Variants in ABCA13 observed in about 807,000 individuals in gnomAD.
ABCA13 encodes the protein ATP-binding cassette sub-family A member 13.
A neutral mutation model predicts 478.7 loss-of-function variants in ABCA13; 476 were observed. The observed-to-expected ratio is 0.99, with a 90% CI of 0.92 to 1.07. ABCA13 has a LOEUF of 1.07. Ranked by LOEUF, ABCA13 falls within the 50% of genes least tolerant of loss-of-function variation. ABCA13 has a pLI of 0.00. For synonymous variants in ABCA13, 2,252 were observed against 2,158.9 expected (o/e 1.04, Z -1.20); for missense variants, 6,060 against 5,910.6 (o/e 1.03, Z -0.83).
At chr7:48,644,594 T>G in intron 60 of ABCA13, 23 bp from the exon 61 acceptor site, 1 of 1,102,858 alleles carries the variant, frequency 9.1e-7, no homozygotes, top group Non-Finnish European at 1.2e-6. Context: ...TGATACTTTT[T>G]TTTTTTTTTT....
chr7:48,348,916 T>G (rs969932788), intron 29 of ABCA13, among the ~76,000 whole-genome samples: 1 of 152,242 alleles, frequency 6.6e-6, no homozygotes, highest in African/African-American at 2.4e-5. Context: ...AGCAGAAGTT[T>G]CATATGGTTC....
chr7:48,236,769 A>C (rs1205787573), intron 8 of ABCA13, among the ~76,000 whole-genome samples: 2 of 152,180 alleles, frequency 1.3e-5, no homozygotes, highest in African/African-American at 4.8e-5. Flanking sequence ...CTTGCCATAC[A>C]ACATAACATA....
At chr7:48,327,700 T>C (rs1804551638) in intron 27 of ABCA13, among the ~76,000 whole-genome samples, 1 of 152,256 alleles carries the variant, frequency 6.6e-6, no homozygotes, top group Non-Finnish European at 1.5e-5. Flanking sequence ...TGGCCATATT[T>C]ACAGTATTAG....
chr7:48,627,625 C>T (rs1326692673), intron 59 of ABCA13, among the ~76,000 whole-genome samples: 3 of 151,950 alleles, frequency 2.0e-5, no homozygotes, highest in African/African-American at 7.3e-5. Context: ...AGGAATATAC[C>T]AATCATTTTC....
In ABCA13 at chr7:48,276,238, A is replaced by G. The variant is rs1424387409; in HGVS notation, c.6572A>G (p.Asn2191Ser). ...GTTGCCTTTCTTACCCATCTGCTAAATCAAGAACAGCTGACTAATTTCTCA... is the reference window on the plus strand; with the variant it reads ...GTTGCCTTTCTTACCCATCTGCTAAGTCAAGAACAGCTGACTAATTTCTCA... ...FDVAFLTHLL[N>S]QEQLTNFSVV... The change falls in exon 17 of 62, where the codon AAT becomes AGT. Residue 2191 changes from asparagine to serine, a missense_variant. Around this residue, in one of 3 missense-constraint regions of ABCA13, gnomAD observed 4,423 missense variants for 4,309.1 expected, o/e 1.03. Transcript: ENST00000435803. The G allele has an allele frequency of 3.2e-6, 5 of 1,575,326 alleles. No individual in the cohort carries two copies. The Admixed American group carries it at 5.5e-5, about 17-fold the overall frequency.
At chr7:48,259,628 A>G (rs1793894195) in intron 15 of ABCA13, among the ~76,000 whole-genome samples, 1 of 152,096 alleles carries the variant, frequency 6.6e-6, no homozygotes, top group South Asian at 2.1e-4. Flanking sequence ...TAACATGTAC[A>G]GATATGATTC....
intron 43 of ABCA13, 69 bp from the exon 44 acceptor site, chr7:48,466,887 G>C (rs1400931032): frequency 1.4e-6 from 2 of 1,472,410 alleles, no homozygotes; most frequent in African/African-American, 2.8e-5. Context: ...TCAGCAGCTG[G>C]TTCTCCATTC....
chr7:48,422,360 C>A (rs973082457), intron 41 of ABCA13, among the ~76,000 whole-genome samples: 6 of 152,176 alleles, frequency 3.9e-5, no homozygotes, highest in African/African-American at 1.4e-4. Context: ...AGCCCTTTGA[C>A]TGGAGTGCTG....
At chr7:48,361,723 G>A (rs1383999490) in intron 31 of ABCA13, among the ~76,000 whole-genome samples, 1 of 151,554 alleles carries the variant, frequency 6.6e-6, no homozygotes. Flanking sequence ...GATCTCATAT[G>A]TAGCTAACAA....
rs181947666 is a variant in ABCA13 at position 48,177,539 on chromosome 7, C to T, written c.69+5987C>T. Among the ~76,000 whole-genome samples the T allele has an allele frequency of 4.3e-3, 662 of 152,302 alleles. 6 individuals carry two copies. Among genetic ancestry groups the T allele is most frequent in the Middle Eastern group, 0.014 (4 of 294 alleles). ...AGCTGCAGACTCCAGCACTGCGGGA[C>T]AAGATTGGCAGTGAGAGGCGAGAGG... On this transcript the variant is annotated intron_variant, in intron 1 of 61. Coordinates refer to ENST00000435803, the MANE Select transcript of ABCA13 (RefSeq NM_152701.5).
intron 48 of ABCA13, among the ~76,000 whole-genome samples, chr7:48,495,670 A>G (rs537899364): frequency 6.6e-6 from 1 of 152,114 alleles, no homozygotes; most frequent in Non-Finnish European, 1.5e-5. Flanking sequence ...AAAGTCTCCA[A>G]ATTGTGGCTT....
At chr7:48,513,907 A>G (rs1045755473) in intron 51 of ABCA13, among the ~76,000 whole-genome samples, 1 of 152,222 alleles carries the variant, frequency 6.6e-6, no homozygotes, top group Non-Finnish European at 1.5e-5. Context: ...CTCTTCATTC[A>G]TCTAGCAATA....
At chr7:48,451,771 G>A (rs1355401841) in intron 42 of ABCA13, among the ~76,000 whole-genome samples, 3 of 152,190 alleles carry the variant, frequency 2.0e-5, no homozygotes, top group Admixed American at 6.5e-5. Flanking sequence ...TGATATTTAA[G>A]CTATTTCTCA....
intron 36 of ABCA13, among the ~76,000 whole-genome samples, chr7:48,388,741 A>C (rs1044200567): frequency 1.3e-5 from 2 of 152,194 alleles, no homozygotes; most frequent in Admixed American, 1.3e-4. Context: ...ATGTGTAACT[A>C]ATCTGCCTGT....
At chr7:48,456,527 C>T (rs565555943) in intron 43 of ABCA13, among the ~76,000 whole-genome samples, 3 of 152,300 alleles carry the variant, frequency 2.0e-5, no homozygotes, top group Non-Finnish European at 2.9e-5. Flanking sequence ...GAGATATCTA[C>T]AGTAAACCTA....
chr7:48,543,021 A>G (rs1012421610), intron 55 of ABCA13, among the ~76,000 whole-genome samples: 8 of 151,884 alleles, frequency 5.3e-5, no homozygotes, highest in Admixed American at 2.6e-4. Context: ...CACATTTTAC[A>G]TTAGTGATAA....
chr7:48,643,450 G>T (rs1411178810), intron 60 of ABCA13, 57 bp downstream of exon 60: 12 of 1,405,692 alleles, frequency 8.5e-6, no homozygotes, highest in Non-Finnish European at 1.0e-5. Context: ...AATAATAAAT[G>T]TACCTGTCTT....
At position 48,580,298 on chromosome 7, in the gene ABCA13, A is replaced by C; in HGVS notation, c.14429A>C (p.Asp4810Ala). Residue 4810 changes from aspartate to alanine, a missense_variant, in exon 56 of 62, where the codon GAC (aspartate) becomes GCC (alanine). Asp to Ala is a moderately radical substitution (Grantham distance 126). This residue lies in a region of ABCA13 where 1,627 missense variants were observed against 1,571.0 expected (regional missense o/e 1.04). Coordinates refer to ENST00000435803, the MANE Select transcript of ABCA13 (RefSeq NM_152701.5). ...IGYCPQQDALDELLTGWEHLY... is the reference protein window; with the variant it reads ...IGYCPQQDALAELLTGWEHLY... Reference sequence around the variant, plus strand: ...TACTGTCCCCAGCAGGATGCCCTGGACGAGCTTCTGACTGGTTGGGAACAT... The same window carrying C: ...TACTGTCCCCAGCAGGATGCCCTGGCCGAGCTTCTGACTGGTTGGGAACAT... 6.2e-7 allele frequency: 1 copy of C among 1,612,800 alleles called. No individual in the cohort carries two copies. The highest frequency in any genetic ancestry group is 8.5e-7 in the Non-Finnish European group (1 of 1,179,436).
chr7:48,362,255 T>A (rs1810971935), intron 31 of ABCA13, among the ~76,000 whole-genome samples: 1 of 150,366 alleles, frequency 6.7e-6, no homozygotes. Context: ...CTTTTTCCTG[T>A]GGAGTTTGGC....
Sources: allele counts gnomAD v4.1 joint callset (sites outside exome capture counted in the v4.1 genomes callset), GRCh38; gene constraint gnomAD v4.1.1; regional missense constraint gnomAD v4.1.1; transcripts MANE v1.5; gene names NCBI Gene and HGNC (gene_info 2026-07-23, HGNC 2026-07-21).